Variants in SMYD2 observed in about 807,000 individuals in gnomAD.
The protein encoded by SMYD2 is N-lysine methyltransferase SMYD2.
SMYD2 carries 53 observed loss-of-function variants against 59.1 expected under a neutral mutation model. The observed-to-expected ratio is 0.90, with a 90% CI of 0.72 to 1.13. The LOEUF (loss-of-function observed/expected upper bound fraction) is 1.13. SMYD2 is among the 50% of genes most tolerant of loss of function. SMYD2 has a pLI of 0.00. For synonymous variants in SMYD2, 208 were observed against 198.8 expected, an observed-to-expected ratio of 1.05 and a Z score of -0.39; for missense variants, 494 against 544.7, an observed-to-expected ratio of 0.91 and a Z score of 0.93.
At chr1:214,316,155 C>T (rs1248877404) in intron 3 of SMYD2, among the ~76,000 whole-genome samples, 2 of 152,038 alleles carry the variant, frequency 1.3e-5, no homozygotes, top group Admixed American at 6.6e-5. Context: ...GTGGCAGGGC[C>T]TCTGGACTAT....
At chr1:214,300,058 G>T (rs1656797020) in intron 1 of SMYD2, among the ~76,000 whole-genome samples, 1 of 152,142 alleles carries the variant, frequency 6.6e-6, no homozygotes, top group African/African-American at 2.4e-5. Flanking sequence ...CTGGGTGATG[G>T]TATCATTTAT....
chr1:214,336,633 A>T, intron 11 of SMYD2, 71 bp from the exon 12 acceptor site: 1 of 1,435,060 alleles, frequency 7.0e-7, no homozygotes, highest in South Asian at 1.2e-5. Flanking sequence ...GATCCAACTT[A>T]AAGTTACCCT....
chr1:214,281,279 C>T lies in SMYD2; in HGVS notation c.25C>T (p.Leu9=). 2 of 1,312,952 alleles carry T rather than the reference C, an allele frequency of 1.5e-6. No homozygotes were observed. Among genetic ancestry groups the T allele is most frequent in the Non-Finnish European group, 2.0e-6 (2 of 1,023,500 alleles). 81.3% of individuals were successfully genotyped at this position (1,312,952 alleles called of 1,614,324 possible). The part of the protein sequence containing the change: MRAEGLGG[L]ERFCSPGKGR... ...CATGAGGGCCGAGGGCCTCGGCGGC[C>T]TGGAGCGCTTCTGCAGCCCGGGCAA... Residue 9 remains leucine, a synonymous_variant, in exon 1 of 12, where the codon CTG becomes TTG. Coordinates refer to ENST00000366957, the MANE Select transcript of SMYD2 (RefSeq NM_020197.3).
intron 1 of SMYD2, among the ~76,000 whole-genome samples, chr1:214,300,441 A>G (rs1656802949): frequency 1.3e-5 from 2 of 152,092 alleles, no homozygotes. Context: ...GGGTTGAGAG[A>G]CGCTCTTCTG....
At chr1:214,328,985 G>C (rs1006837494) in intron 7 of SMYD2, among the ~76,000 whole-genome samples, 3 of 152,240 alleles carry the variant, frequency 2.0e-5, no homozygotes, top group Non-Finnish European at 4.4e-5. Flanking sequence ...GCTGGGAGCA[G>C]TGGTACTGGA....
intron 1 of SMYD2, among the ~76,000 whole-genome samples, chr1:214,301,198 A>G (rs1021923778): frequency 2.0e-5 from 3 of 152,212 alleles, no homozygotes; most frequent in African/African-American, 7.2e-5. Flanking sequence ...TAGTTGGATT[A>G]TGTAGCAAAA....
At chr1:214,294,794 G>T (rs1353305516) in intron 1 of SMYD2, among the ~76,000 whole-genome samples, 2 of 152,176 alleles carry the variant, frequency 1.3e-5, no homozygotes, top group Non-Finnish European at 2.9e-5. Flanking sequence ...CTCACAATTA[G>T]CATTAGACTA....
At chr1:214,331,399 G>C (rs1224265681) in intron 9 of SMYD2, 2 of 256,668 alleles carry the variant, frequency 7.8e-6, no homozygotes, top group Non-Finnish European at 1.5e-5. Context: ...GCTTATTTCA[G>C]CTCTCCTCAC....
At chr1:214,298,668 A>G (rs2102459174) in intron 1 of SMYD2, among the ~76,000 whole-genome samples, 1 of 152,330 alleles carries the variant, frequency 6.6e-6, no homozygotes, top group South Asian at 2.1e-4. Context: ...AATATCCAGA[A>G]CCTGTGAAGA....
chr1:214,313,220 G>A (rs958858931), intron 2 of SMYD2, among the ~76,000 whole-genome samples: 7 of 152,072 alleles, frequency 4.6e-5, no homozygotes, highest in Admixed American at 1.3e-4. Context: ...GGGTTCAAGC[G>A]ATTCTCCTGC....
chr1:214,336,766 G>A lies in SMYD2; in HGVS notation c.1284G>A (p.Gln428=), dbSNP rs1657446722. ...KDHPYISEIK[Q]EIESH Reference sequence around the variant, plus strand: ...ATCCATATATTTCTGAGATCAAACAGGAAATTGAAAGCCACTGAAACTATG... The same window carrying A: ...ATCCATATATTTCTGAGATCAAACAAGAAATTGAAAGCCACTGAAACTATG... The change falls in exon 12 of 12, where the codon CAG becomes CAA. Residue 428 remains glutamine (Q), a synonymous_variant. Transcript: ENST00000366957. 1 of 1,613,380 alleles carries A rather than the reference G, an allele frequency of 6.2e-7. No individual in the cohort carries two copies. The highest frequency in any genetic ancestry group is 8.5e-7 in the Non-Finnish European group (1 of 1,179,832).
intron 1 of SMYD2, among the ~76,000 whole-genome samples, chr1:214,290,795 G>A (rs1656623751): frequency 6.6e-6 from 1 of 152,178 alleles, no homozygotes; most frequent in Non-Finnish European, 1.5e-5. Flanking sequence ...CTTGGAAGGA[G>A]TTATGTTGAA....
intron 2 of SMYD2, 107 bp from the exon 3 acceptor site, chr1:214,314,655 C>A: frequency 1.3e-6 from 1 of 744,172 alleles, no homozygotes. Context: ...CAAAAGGAAA[C>A]ATATTTTACT....
At chr1:214,323,412 G>A (rs1477409159) in intron 5 of SMYD2, among the ~76,000 whole-genome samples, 1 of 152,080 alleles carries the variant, frequency 6.6e-6, no homozygotes, top group African/African-American at 2.4e-5. Flanking sequence ...GGTGAAAGTT[G>A]CCCTTGGTAT....
intron 2 of SMYD2, among the ~76,000 whole-genome samples, chr1:214,310,503 A>ATTTTT (rs10699247): frequency 3.7e-4 from 50 of 136,428 alleles, no homozygotes; most frequent in Admixed American, 5.3e-4. Context: ...TATTTTATTA[A>ATTTTT]TTTTTTTTTT....
At chr1:214,302,911 CTCT>C (rs1656849263) in intron 1 of SMYD2, among the ~76,000 whole-genome samples, 2 of 152,090 alleles carry the variant, frequency 1.3e-5, no homozygotes, top group Admixed American at 1.3e-4. Flanking sequence ...ATTTTCTAAT[CTCT>C]TACATCAGGG....
chr1:214,286,176 A>C (rs1184657800), intron 1 of SMYD2, among the ~76,000 whole-genome samples: 1 of 152,132 alleles, frequency 6.6e-6, no homozygotes, highest in East Asian at 1.9e-4. Flanking sequence ...AGGTTCCCTT[A>C]TCTGTAAAAT....
At chr1:214,334,654 G>A (rs954129428) in intron 11 of SMYD2, among the ~76,000 whole-genome samples, 1 of 152,214 alleles carries the variant, frequency 6.6e-6, no homozygotes, top group Non-Finnish European at 1.5e-5. Flanking sequence ...AAGGAGGTAG[G>A]ATATGGAGAG....
Position 214,318,966 on chromosome 1 carries a change from G to A in SMYD2, c.517G>A (p.Val173Ile), listed in dbSNP as rs369877948. The A allele has an allele frequency of 3.7e-5, 59 of 1,613,928 alleles. No homozygotes were observed. The highest frequency in any genetic ancestry group is 6.7e-5 in the East Asian group (3 of 44,884). Residue 173 changes from valine to isoleucine, a missense_variant, in exon 5 of 12, where the codon GTA becomes ATA. Physicochemically the swap from Val to Ile is conservative, Grantham distance 29. Transcript: ENST00000366957. This position sits in a 1 kb window ranked among gnomAD's most constrained non-coding sequence, Gnocchi z 5.4. ...HLGFPDNDSL[V>I]VLFAQVNCNG... ...CGGATTCCCTGACAATGATAGCCTC[G>A]TAGTACTCTTTGCACAGGTAAGGAC...
Sources: allele counts gnomAD v4.1 joint callset (sites outside exome capture counted in the v4.1 genomes callset), GRCh38; gene constraint gnomAD v4.1.1; non-coding constraint Gnocchi (gnomAD v3.1); transcripts MANE v1.5; gene names NCBI Gene and HGNC (gene_info 2026-07-23, HGNC 2026-07-21).